CACNA1B: variants seen among roughly 807,000 people sequenced by gnomAD.
CACNA1B encodes the protein calcium voltage-gated channel subunit alpha1 B.
In CACNA1B, 70 loss-of-function variants were observed where a neutral mutation model predicts 247.2. The ratio of observed to expected loss-of-function variants is 0.28; its 90% CI spans 0.23 to 0.35. CACNA1B has a LOEUF of 0.35. CACNA1B is among the 10% of genes least tolerant of loss of function. The probability of loss-of-function intolerance (pLI) is 1.00; values close to 1 mark genes in which losing one functional copy is unlikely to be tolerated. For missense variants in CACNA1B, 2,367 were observed against 3,197.4 expected, an observed-to-expected ratio of 0.74 and a Z score of 6.26; for synonymous variants, 1,231 against 1,294.4, an observed-to-expected ratio of 0.95 and a Z score of 1.05.
chr9:138,117,380 GC>G (rs1246870109), intron 42 of CACNA1B, among the ~76,000 whole-genome samples: 28 of 152,256 alleles, frequency 1.8e-4, no homozygotes, highest in Admixed American at 1.4e-3. Context: ...CCCGGGCGAG[GC>G]CCCCTACCCC....
rs568848518 is a variant in CACNA1B at position 137,881,847 on chromosome 9, AAG to A, written c.391-896_391-895del. On this transcript the variant is annotated intron_variant, in intron 2 of 46. Transcript: ENST00000371372. The surrounding 1 kb of genome is among the most constrained non-coding windows in gnomAD (Gnocchi z 4.3). ...CTGGAGCTCAGCCTGGGGTGCAGGA[AAG>A]GGATCTTTTTAGGATCAGCTGTCTT... Among the ~76,000 whole-genome samples, 14 of 152,272 alleles carry A rather than the reference AAG, an allele frequency of 9.2e-5. No individual in the cohort carries two copies. The East Asian group carries it at 2.7e-3, about 29-fold the overall frequency.
At chr9:138,115,131 C>G (rs1474012746) in intron 41 of CACNA1B, among the ~76,000 whole-genome samples, 1 of 152,174 alleles carries the variant, frequency 6.6e-6, no homozygotes, top group Non-Finnish European at 1.5e-5. Flanking sequence ...AGCAGTCTTC[C>G]CCAGCCCTGA....
At chr9:137,988,819 T>G (rs1589051375) in intron 15 of CACNA1B, among the ~76,000 whole-genome samples, 1 of 151,664 alleles carries the variant, frequency 6.6e-6, no homozygotes. Context: ...TGAGGAGGGG[T>G]GAAGGCTTGT....
chr9:138,114,354 C>A, intron 40 of CACNA1B, 24 bp from the exon 41 acceptor site: 1 of 1,250,806 alleles, frequency 8.0e-7, no homozygotes, highest in Non-Finnish European at 1.2e-6. Flanking sequence ...TTCTCCGAAT[C>A]TCAACTCCTG....
In CACNA1B at chr9:138,106,371, A is replaced by G. The variant is rs1044180062; in HGVS notation, c.5428+564A>G. ...TCTCCTGCTTTGTGTGCCAAGCCTC[A>G]CTTACGTCTCCCCAAGGGTGCCGTA... On this transcript the variant is annotated intron_variant, in intron 39 of 46. Transcript: ENST00000371372. Among the ~76,000 whole-genome samples the G allele has an allele frequency of 2.0e-5, 3 of 146,592 alleles. No individual in the cohort carries two copies. The East Asian group carries it at 6.0e-4, about 29-fold the overall frequency.
rs1958425001 is a variant in CACNA1B, at chr9:137,990,923, G to A, written c.1974+4069G>A. Among the ~76,000 whole-genome samples, 1 of 152,206 alleles carries A rather than the reference G, an allele frequency of 6.6e-6. No individual in the cohort carries two copies. Among genetic ancestry groups the A allele is most frequent in the Non-Finnish European group, 1.5e-5 (1 of 68,046 alleles). ...AGGGGGAGAACACCACATCAAGGGA[G>A]CACCCCCAAGATAAGAGAACAGCAG... On this transcript the variant is annotated intron_variant, in intron 15 of 46. Coordinates refer to ENST00000371372, the MANE Select transcript of CACNA1B (RefSeq NM_000718.4). The surrounding 1 kb of genome is among the most constrained non-coding windows in gnomAD (Gnocchi z 4.5).
chr9:138,006,850 C>T lies in CACNA1B; in HGVS notation c.2058C>T (p.Ser686=). 1.2e-6 allele frequency: 2 copies of T among 1,605,808 alleles called. No homozygotes were observed. The highest frequency in any genetic ancestry group is 1.7e-6 in the Non-Finnish European group (2 of 1,172,570). Residue 686 remains serine, a synonymous_variant, in exon 16 of 47, where the codon TCC becomes TCT. Transcript: ENST00000371372. ...GCGTCAGCAAAGGCATGTTCTCGTCCTTTTACTTCATTGTCCTGACACTGT... is the reference window on the plus strand; with the variant it reads ...GCGTCAGCAAAGGCATGTTCTCGTCTTTTTACTTCATTGTCCTGACACTGT... The part of the protein sequence containing the change: ...QGGVSKGMFS[S]FYFIVLTLFG...
At chr9:138,048,392 G>A (rs1292364007) in intron 23 of CACNA1B, among the ~76,000 whole-genome samples, 1 of 152,218 alleles carries the variant, frequency 6.6e-6, no homozygotes, top group Non-Finnish European at 1.5e-5. Context: ...AGGAGCAGAT[G>A]GAGATGGAGA....
intron 5 of CACNA1B, among the ~76,000 whole-genome samples, chr9:137,916,433 G>A (rs931862979): frequency 6.6e-6 from 1 of 152,162 alleles, no homozygotes; most frequent in Non-Finnish European, 1.5e-5. Flanking sequence ...GATTAGCAGT[G>A]GTTTTCTGGT....
At chr9:138,000,887 C>A (rs537708553) in intron 15 of CACNA1B, among the ~76,000 whole-genome samples, 1 of 152,224 alleles carries the variant, frequency 6.6e-6, no homozygotes, top group East Asian at 1.9e-4. Flanking sequence ...ATGTTATGAC[C>A]CCCCTTTCGT....
At chr9:138,028,629 A>G (rs1002834816) in intron 20 of CACNA1B, among the ~76,000 whole-genome samples, 1 of 152,232 alleles carries the variant, frequency 6.6e-6, no homozygotes, top group African/African-American at 2.4e-5. Flanking sequence ...TCTAGTGAAT[A>G]GTTTGCAAAC....
chr9:137,933,184 C>T (rs1415531516), intron 6 of CACNA1B, among the ~76,000 whole-genome samples: 1 of 151,560 alleles, frequency 6.6e-6, no homozygotes, highest in East Asian at 1.9e-4. Context: ...CTGCCTGCCT[C>T]GGCCTCCCAG....
At chr9:138,111,112 T>C (rs1328814959) in intron 39 of CACNA1B, among the ~76,000 whole-genome samples, 1 of 152,080 alleles carries the variant, frequency 6.6e-6, no homozygotes, top group Non-Finnish European at 1.5e-5. Flanking sequence ...GAAAAGAAAA[T>C]GGTGCAGCCC....
intron 3 of CACNA1B, chr9:137,890,307 G>T (rs1359174204): frequency 1.3e-5 from 2 of 149,232 alleles, no homozygotes; most frequent in Non-Finnish European, 3.0e-5. Context: ...GCCCAGGGCT[G>T]CCCTTGGATA....
intron 6 of CACNA1B, among the ~76,000 whole-genome samples, chr9:137,948,177 C>T (rs895972933): frequency 1.1e-4 from 17 of 152,046 alleles, no homozygotes; most frequent in Admixed American, 5.2e-4. Flanking sequence ...GACAGGGTTT[C>T]GCCATGTTGG....
At chr9:137,923,337 G>A (rs991797548) in intron 6 of CACNA1B, among the ~76,000 whole-genome samples, 12 of 150,024 alleles carry the variant, frequency 8.0e-5, no homozygotes, top group Non-Finnish European at 1.6e-4. Flanking sequence ...GTGGTATTCC[G>A]TGGTGCCAGG....
rs1056676575 is a variant in CACNA1B, at chr9:138,081,736, A to G, written c.5094+3478A>G. On this transcript the variant is annotated intron_variant, in intron 36 of 46. Transcript: ENST00000371372. ...AGAAATGGAGGTCTAGAGATGTTAA[A>G]TATCTTAGCCTGAGTTTAGAACCTA... Among the ~76,000 whole-genome samples, 9 of 151,268 alleles carry G rather than the reference A, an allele frequency of 5.9e-5. 1 individual carries two copies. The highest frequency in any genetic ancestry group is 2.0e-4 in the African/African-American group (8 of 40,924).
At chr9:137,934,486 G>A (rs1299447813) in intron 6 of CACNA1B, among the ~76,000 whole-genome samples, 5 of 152,200 alleles carry the variant, frequency 3.3e-5, no homozygotes, top group Non-Finnish European at 2.9e-5. Flanking sequence ...GGATTGTATC[G>A]TGAACTTTTG....
Position 137,897,516 on chromosome 9 carries a change from G to T in CACNA1B, c.530+14633G>T, listed in dbSNP as rs568548847. On this transcript the variant is annotated intron_variant, in intron 3 of 46. Transcript: ENST00000371372. The stretch of plus-strand genomic sequence containing the variant: ...AATCACTTGAACCCGGAAGGTAGAG[G>T]TTGCGATGAGCCGAGATCGTGCCAC... Among the ~76,000 whole-genome samples, 7 of 152,170 alleles carry T rather than the reference G, an allele frequency of 4.6e-5. No individual in the cohort carries two copies. The East Asian group carries it at 5.8e-4, about 13-fold the overall frequency.
Sources: allele counts gnomAD v4.1 joint callset (sites outside exome capture counted in the v4.1 genomes callset), GRCh38; gene constraint gnomAD v4.1.1; non-coding constraint Gnocchi (gnomAD v3.1); transcripts MANE v1.5; gene names NCBI Gene and HGNC (gene_info 2026-07-23, HGNC 2026-07-21).